The following SIPA1L1 variants were observed in gnomAD, a reference collection of about 807,000 sequenced individuals.
The protein encoded by SIPA1L1 is signal-induced proliferation-associated 1-like protein 1.
In SIPA1L1, 26 loss-of-function variants were observed where a neutral mutation model predicts 162.7. The ratio of observed to expected loss-of-function variants is 0.16; its 90% CI spans 0.12 to 0.22. The LOEUF is 0.22. SIPA1L1 is among the 10% of genes least tolerant of loss of function. The pLI is 1.00. For synonymous variants in SIPA1L1, 829 were observed against 837.4 expected (o/e 0.99, Z 0.17); for missense variants, 1,874 against 2,241.0 (o/e 0.84, Z 3.31).
intron 7 of SIPA1L1, among the ~76,000 whole-genome samples, chr14:71,633,116 T>TGTTATGTTAC (rs1258274498): frequency 8.7e-6 from 1 of 115,408 alleles, no homozygotes; most frequent in Admixed American, 9.5e-5. Flanking sequence ...ATGATTGTTA[T>TGTTATGTTAC]GTTATGTTAT....
chr14:71,459,053 C>A (rs971063366), intron 2 of SIPA1L1, among the ~76,000 whole-genome samples: 1 of 147,748 alleles, frequency 6.8e-6, no homozygotes, highest in Admixed American at 6.8e-5. Flanking sequence ...GCCTGGGCAA[C>A]AGAGAGAGGC....
intron 12 of SIPA1L1, among the ~76,000 whole-genome samples, chr14:71,676,938 G>A (rs2045267791): frequency 1.3e-5 from 2 of 152,164 alleles, no homozygotes; most frequent in Non-Finnish European, 2.9e-5. Context: ...ATAAACATAT[G>A]TGTGCATGTG....
chr14:71,710,343 C>T (rs990142910), intron 17 of SIPA1L1, among the ~76,000 whole-genome samples: 6 of 152,120 alleles, frequency 3.9e-5, no homozygotes, highest in African/African-American at 1.4e-4. Flanking sequence ...GCCTAAAATC[C>T]CCAATGTGAC....
intron 4 of SIPA1L1, among the ~76,000 whole-genome samples, chr14:71,564,820 C>G (rs1293087035): frequency 6.6e-6 from 1 of 152,290 alleles, no homozygotes; most frequent in East Asian, 1.9e-4. Context: ...CTTTCTTTAG[C>G]TCTTTCTCCG....
chr14:71,671,901 C>CTGTGTGTGTGTGTGTGTGTGTGTG (rs34919280), intron 11 of SIPA1L1, among the ~76,000 whole-genome samples: 1 of 142,592 alleles, frequency 7.0e-6, no homozygotes, highest in Non-Finnish European at 1.5e-5. Flanking sequence ...CACATTTACT[C>CTGTGTGTGTGTGTGTGTGTGTGTG]TGTGTGTGTG....
At chr14:71,621,935 G>T (rs2039495159) in intron 6 of SIPA1L1, among the ~76,000 whole-genome samples, 1 of 151,966 alleles carries the variant, frequency 6.6e-6, no homozygotes, top group African/African-American at 2.4e-5. Context: ...CCATAAATTT[G>T]ATTTAATGGT....
At chr14:71,547,237 CTT>C (rs2055307840) in intron 4 of SIPA1L1, among the ~76,000 whole-genome samples, 2 of 142,944 alleles carry the variant, frequency 1.4e-5, no homozygotes, top group South Asian at 2.2e-4. Context: ...TCATATGTGT[CTT>C]ATATTTCATT....
intron 2 of SIPA1L1, among the ~76,000 whole-genome samples, chr14:71,483,656 C>T (rs562587578): frequency 2.1e-4 from 32 of 152,284 alleles, no homozygotes; most frequent in African/African-American, 7.5e-4. Context: ...ACCCCTGCAC[C>T]CATTTCATTT....
intron 2 of SIPA1L1, among the ~76,000 whole-genome samples, chr14:71,385,596 A>G (rs1456271863): frequency 2.0e-5 from 3 of 151,686 alleles, no homozygotes; most frequent in Non-Finnish European, 2.9e-5. Flanking sequence ...TTAATAATAT[A>G]TTTTATTTCA....
intron 2 of SIPA1L1, among the ~76,000 whole-genome samples, chr14:71,381,314 A>G (rs2039882040): frequency 6.6e-6 from 1 of 152,090 alleles, no homozygotes; most frequent in Admixed American, 6.5e-5. Context: ...GTCCTCCCAA[A>G]GTGCTGGGAT....
At chr14:71,330,694 G>T in intron 2 of SIPA1L1, 1 of 880,054 alleles carries the variant, frequency 1.1e-6, no homozygotes, top group Non-Finnish European at 2.0e-6. Context: ...AATCCATCCT[G>T]GAGGATTCTC....
At chr14:71,700,918 C>T (rs538732684) in intron 14 of SIPA1L1, among the ~76,000 whole-genome samples, 29 of 124,626 alleles carry the variant, frequency 2.3e-4, no homozygotes, top group Non-Finnish European at 2.8e-4. Flanking sequence ...GGTGTGAACC[C>T]GGGAGGCGGA....
intron 5 of SIPA1L1, among the ~76,000 whole-genome samples, chr14:71,604,493 G>A (rs945712078): frequency 2.6e-5 from 4 of 151,930 alleles, no homozygotes; most frequent in African/African-American, 9.7e-5. Flanking sequence ...TTTCATGTTG[G>A]TAGTAGTTAT....
intron 2 of SIPA1L1, chr14:71,416,387 T>A (rs1442123912): frequency 1.3e-5 from 2 of 152,126 alleles, no homozygotes; most frequent in Non-Finnish European, 2.9e-5. Context: ...GTTTTTTTTT[T>A]ATGGGTTTTA....
At chr14:71,633,707 C>T (rs914471846) in intron 7 of SIPA1L1, among the ~76,000 whole-genome samples, 1 of 152,046 alleles carries the variant, frequency 6.6e-6, no homozygotes, top group Non-Finnish European at 1.5e-5. Context: ...AAGCCCCTGT[C>T]CCCAGAGACA....
chr14:71,576,937 G>A (rs891691073), intron 4 of SIPA1L1, among the ~76,000 whole-genome samples: 2 of 152,128 alleles, frequency 1.3e-5, no homozygotes, highest in Non-Finnish European at 1.5e-5. Context: ...ATAAAAATTA[G>A]CCAGGTGTGG....
intron 2 of SIPA1L1, among the ~76,000 whole-genome samples, chr14:71,378,859 T>G (rs1465189232): frequency 6.6e-6 from 1 of 152,200 alleles, no homozygotes; most frequent in Non-Finnish European, 1.5e-5. Context: ...AAATGTTGCT[T>G]TTCATAATTA....
chr14:71,614,995 A>G (rs1033882937), intron 5 of SIPA1L1, among the ~76,000 whole-genome samples: 1 of 152,076 alleles, frequency 6.6e-6, no homozygotes, highest in African/African-American at 2.4e-5. Context: ...ATTTGGTTTT[A>G]ATAATTTGTG....
intron 5 of SIPA1L1, among the ~76,000 whole-genome samples, chr14:71,597,629 C>T (rs182520686): frequency 6.6e-6 from 1 of 152,262 alleles, no homozygotes; most frequent in Admixed American, 6.5e-5. Flanking sequence ...ACGATAGAAA[C>T]CCACATGTGT....
Sources: allele counts gnomAD v4.1 joint callset (sites outside exome capture counted in the v4.1 genomes callset), GRCh38; gene constraint gnomAD v4.1.1; transcripts MANE v1.5; gene names NCBI Gene and HGNC (gene_info 2026-07-23, HGNC 2026-07-21).